Variants in SEMA3A observed in about 807,000 individuals in gnomAD.
The protein encoded by SEMA3A is semaphorin 3A.
Under a neutral mutation model 97.9 loss-of-function variants are expected in SEMA3A, and 29 were observed. That is an observed-to-expected ratio of 0.30 (90% CI 0.22 to 0.40). SEMA3A has a LOEUF of 0.40. Ranked by LOEUF, SEMA3A falls within the 10% of genes least tolerant of loss-of-function variation. SEMA3A has a pLI of 1.00. For missense variants in SEMA3A, 763 were observed against 951.3 expected (o/e 0.80, Z 2.60); for synonymous variants, 321 against 323.7 (o/e 0.99, Z 0.09).
chr7:84,185,574 C>G (rs917332640), intron 1 of SEMA3A, among the ~76,000 whole-genome samples: 3 of 150,228 alleles, frequency 2.0e-5, no homozygotes, highest in Non-Finnish European at 4.4e-5. Context: ...GCCCATAATC[C>G]CAGCTACTCA....
chr7:84,464,602 C>A (rs945721017), intron 1 of SEMA3A, among the ~76,000 whole-genome samples: 3 of 152,114 alleles, frequency 2.0e-5, no homozygotes, highest in African/African-American at 7.2e-5. Context: ...TTTCATGGTA[C>A]AAATTTACAT....
At position 84,211,215 on chromosome 7, in the gene SEMA3A, T is replaced by C. The variant is rs1798615813; in HGVS notation, c.-82-16547A>G. On this transcript the variant is annotated intron_variant, in intron 3 of 3. Coordinates refer to the SEMA3A transcript ENST00000424555. The stretch of plus-strand genomic sequence containing the variant: ...TGACTAAACCCCAAATCATAGCAAC[T>C]GAATATGAAGAGAGAAGGCACATTA... 2.0e-5 allele frequency among the ~76,000 whole-genome samples: 3 copies of C among 152,160 alleles called. No homozygotes were observed. The South Asian group carries it at 6.2e-4, about 31-fold the overall frequency.
intron 1 of SEMA3A, among the ~76,000 whole-genome samples, chr7:84,186,663 A>G (rs1450305695): frequency 6.6e-6 from 1 of 151,966 alleles, no homozygotes; most frequent in Non-Finnish European, 1.5e-5. Flanking sequence ...CCACTTAATA[A>G]CTATGATTTG....
intron 1 of SEMA3A, among the ~76,000 whole-genome samples, chr7:84,374,106 G>A (rs1803042199): frequency 6.6e-6 from 1 of 152,120 alleles, no homozygotes; most frequent in Admixed American, 6.5e-5. Flanking sequence ...GCCCAGAGGA[G>A]AAAACAATGT....
chr7:84,377,492 T>C (rs1318356553), intron 1 of SEMA3A, among the ~76,000 whole-genome samples: 9 of 152,200 alleles, frequency 5.9e-5, no homozygotes, highest in Admixed American at 2.0e-4. Flanking sequence ...CTATGCTGTT[T>C]GGGTTACTAT....
intron 2 of SEMA3A, among the ~76,000 whole-genome samples, chr7:84,357,379 T>C (rs1234127435): frequency 1.4e-5 from 2 of 143,174 alleles, no homozygotes; most frequent in East Asian, 2.2e-4. Context: ...AGTGAGAACA[T>C]GCGGTGTTTG....
chr7:84,243,574 T>C (rs779138887), intron 3 of SEMA3A, among the ~76,000 whole-genome samples: 6 of 152,052 alleles, frequency 3.9e-5, no homozygotes, highest in Non-Finnish European at 8.8e-5. Context: ...TCTGTCTATT[T>C]TGTTAATCTT....
intron 3 of SEMA3A, among the ~76,000 whole-genome samples, chr7:84,242,936 T>A (rs891200937): frequency 1.3e-5 from 2 of 152,178 alleles, no homozygotes; most frequent in East Asian, 1.9e-4. Flanking sequence ...ATGGATTATG[T>A]TTATTGATTG....
chr7:84,238,918 T>C (rs1799296881), intron 3 of SEMA3A, among the ~76,000 whole-genome samples: 1 of 151,778 alleles, frequency 6.6e-6, no homozygotes, highest in African/African-American at 2.4e-5. Context: ...GGTTTTACCA[T>C]GTTAGCCAGA....
intron 4 of SEMA3A, among the ~76,000 whole-genome samples, chr7:84,090,100 C>A (rs1245794268): frequency 6.6e-6 from 1 of 151,860 alleles, no homozygotes; most frequent in Non-Finnish European, 1.5e-5. Flanking sequence ...CTCTGAGTAA[C>A]AAAATAAGAC....
At chr7:83,961,887 A>G in intron 16 of SEMA3A, 61 bp from the exon 17 acceptor site, 1 of 1,271,390 alleles carries the variant, frequency 7.9e-7, no homozygotes, top group African/African-American at 1.5e-5. Flanking sequence ...AGAAGCTCTG[A>G]AACTCCGTGT....
intron 2 of SEMA3A, among the ~76,000 whole-genome samples, chr7:84,359,142 C>T (rs1326110868): frequency 6.6e-6 from 1 of 152,068 alleles, no homozygotes; most frequent in Non-Finnish European, 1.5e-5. Context: ...CTTTCTCCTG[C>T]CTGATTGCCC....
intron 3 of SEMA3A, among the ~76,000 whole-genome samples, chr7:84,289,310 G>A (rs1467531645): frequency 6.6e-6 from 1 of 152,016 alleles, no homozygotes; most frequent in Non-Finnish European, 1.5e-5. Context: ...GCACAGCACG[G>A]TGACCACAGT....
intron 4 of SEMA3A, among the ~76,000 whole-genome samples, chr7:84,105,546 G>C (rs897187708): frequency 6.6e-6 from 1 of 152,054 alleles, no homozygotes; most frequent in Non-Finnish European, 1.5e-5. Context: ...ATGATATTAT[G>C]AGAGTATTTA....
At chr7:84,282,923 A>G (rs886750433) in intron 3 of SEMA3A, among the ~76,000 whole-genome samples, 1 of 152,118 alleles carries the variant, frequency 6.6e-6, no homozygotes, top group East Asian at 1.9e-4. Context: ...CTGAGGCAGG[A>G]GAATCGCTTG....
chr7:84,006,193 C>A (rs1790659375), intron 10 of SEMA3A, among the ~76,000 whole-genome samples: 2 of 151,944 alleles, frequency 1.3e-5, no homozygotes, highest in Admixed American at 6.6e-5. Context: ...TGCAATTAAT[C>A]TTTCTTTGGA....
At chr7:84,463,142 G>A (rs2116392054) in intron 1 of SEMA3A, among the ~76,000 whole-genome samples, 1 of 149,506 alleles carries the variant, frequency 6.7e-6, no homozygotes, top group African/African-American at 2.5e-5. Context: ...TCTTTCCTCA[G>A]CACTCAGAAT....
chr7:83,983,081 A>T (rs574060387), intron 13 of SEMA3A, among the ~76,000 whole-genome samples: 1 of 152,204 alleles, frequency 6.6e-6, no homozygotes, highest in East Asian at 1.9e-4. Context: ...TTCAACTTTT[A>T]TTATAGTATT....
At chr7:84,130,852 T>C (rs1036882789) in intron 2 of SEMA3A, among the ~76,000 whole-genome samples, 3 of 152,068 alleles carry the variant, frequency 2.0e-5, no homozygotes, top group Admixed American at 6.6e-5. Flanking sequence ...AAATCACTGA[T>C]TGTTAAAACA....
Sources: gnomAD v4.1 joint callset for allele counts (sites outside exome capture counted in the v4.1 genomes callset) on GRCh38, gnomAD v4.1.1 for gene constraint, MANE v1.5 for transcripts, NCBI Gene and HGNC (gene_info 2026-07-23, HGNC 2026-07-21) for gene names.